COL22A1: variants seen among roughly 807,000 people sequenced by gnomAD.
COL22A1 encodes collagen alpha-1(XXII) chain.
Under a neutral mutation model 248.9 loss-of-function variants are expected in COL22A1, and 221 were observed. The observed-to-expected ratio is 0.89, with a 90% CI of 0.80 to 0.99. The LOEUF (loss-of-function observed/expected upper bound fraction) is 0.99, where lower values mean the gene tolerates loss of function less well. Among genes scored for constraint, COL22A1 ranks in the 50% least tolerant of loss-of-function variants. The probability of loss-of-function intolerance (pLI) is 0.00; values close to 1 mark genes in which losing one functional copy is unlikely to be tolerated. For synonymous variants in COL22A1, 891 were observed against 793.4 expected (o/e 1.12, Z -2.07); for missense variants, 2,240 against 2,179.0 (o/e 1.03, Z -0.56).
At chr8:138,809,982 G>A (rs761204301) in intron 9 of COL22A1, among the ~76,000 whole-genome samples, 15 of 152,170 alleles carry the variant, frequency 9.9e-5, no homozygotes, top group Non-Finnish European at 1.5e-4. Context: ...TGATTTTATG[G>A]AAGTAACGAT....
chr8:138,830,370 TAA>T (rs1237657710), intron 5 of COL22A1, among the ~76,000 whole-genome samples: 1 of 152,268 alleles, frequency 6.6e-6, no homozygotes, highest in Non-Finnish European at 1.5e-5. Flanking sequence ...ATGTAAATAT[TAA>T]AAGTGACAAC....
intron 30 of COL22A1, among the ~76,000 whole-genome samples, chr8:138,711,251 G>A (rs562045983): frequency 6.6e-6 from 1 of 152,332 alleles, no homozygotes; most frequent in South Asian, 2.1e-4. Flanking sequence ...GATGCTGTGG[G>A]CCTAAGTGCC....
At position 138,765,706 on chromosome 8, in the gene COL22A1, A is replaced by G. The variant is rs186020187; in HGVS notation, c.1804-3240T>C. ...ACTGTGCAGGTGTGGTCACGCCCAG[A>G]GAAAGAGAGAGAGCCAAAGCTGTCT... On this transcript the variant is annotated intron_variant, in intron 16 of 64. Transcript: ENST00000303045. 1.3e-3 allele frequency among the ~76,000 whole-genome samples: 194 copies of G among 152,346 alleles called. 2 individuals are homozygous for G. Among genetic ancestry groups the G allele is most frequent in the African/African-American group, 4.5e-3 (186 of 41,572 alleles).
chr8:138,623,439 G>C (rs1819987283), intron 52 of COL22A1, among the ~76,000 whole-genome samples: 1 of 151,826 alleles, frequency 6.6e-6, no homozygotes, highest in South Asian at 2.1e-4. Flanking sequence ...AGGCTACAGG[G>C]GGCAGTAAAC....
Position 138,781,833 on chromosome 8 carries a change from G to A in COL22A1, c.1597-853C>T, listed in dbSNP as rs193024026. On this transcript the variant is annotated intron_variant, in intron 12 of 64. Transcript: ENST00000303045. ...CAGTGTCTGTGTGGCACTGAGCAAGGCTGCGCCTCTCTCTGGGCTGTTTCC... is the reference window on the plus strand; with the variant it reads ...CAGTGTCTGTGTGGCACTGAGCAAGACTGCGCCTCTCTCTGGGCTGTTTCC... Among the ~76,000 whole-genome samples, 30 of 152,312 alleles carry A rather than the reference G, an allele frequency of 2.0e-4. 1 individual carries two copies. The highest frequency in any genetic ancestry group is 1.4e-3 in the Admixed American group (22 of 15,306).
intron 10 of COL22A1, among the ~76,000 whole-genome samples, chr8:138,804,538 C>T (rs886115598): frequency 2.6e-5 from 4 of 152,212 alleles, no homozygotes; most frequent in African/African-American, 9.7e-5. Flanking sequence ...GCGCTTTCCT[C>T]CCGTCACAGC....
intron 3 of COL22A1, among the ~76,000 whole-genome samples, chr8:138,857,223 A>T (rs1822102204): frequency 6.6e-6 from 1 of 151,830 alleles, no homozygotes; most frequent in African/African-American, 2.4e-5. Context: ...TGCCCCGGAG[A>T]CATTGGGCCC....
intron 57 of COL22A1, 78 bp from the exon 58 acceptor site, chr8:138,606,530 C>A: frequency 7.1e-7 from 1 of 1,411,512 alleles, no homozygotes; most frequent in Non-Finnish European, 9.9e-7. Flanking sequence ...TGTGACCACT[C>A]TGAAATCAAA....
chr8:138,623,108 C>A (rs1819940910), intron 52 of COL22A1, among the ~76,000 whole-genome samples: 1 of 151,776 alleles, frequency 6.6e-6, no homozygotes, highest in East Asian at 1.9e-4. Context: ...GCTACTGGGA[C>A]CACCAAGACA....
At chr8:138,754,726 G>A (rs905849296) in intron 21 of COL22A1, among the ~76,000 whole-genome samples, 10 of 152,350 alleles carry the variant, frequency 6.6e-5, no homozygotes, top group African/African-American at 1.2e-4. Context: ...AGGCTGAAAC[G>A]TCCCAGGCCA....
chr8:138,645,758 G>A (rs1029766218), intron 47 of COL22A1, among the ~76,000 whole-genome samples: 21 of 152,194 alleles, frequency 1.4e-4, no homozygotes, highest in Non-Finnish European at 2.6e-4. Context: ...CTCTCCTATT[G>A]ACAATTTTAT....
chr8:138,762,002 C>G (rs1371919514), intron 17 of COL22A1, among the ~76,000 whole-genome samples: 3 of 152,240 alleles, frequency 2.0e-5, no homozygotes, highest in Non-Finnish European at 4.4e-5. Flanking sequence ...TGAATGTCCT[C>G]AGCCTCATAG....
intron 39 of COL22A1, among the ~76,000 whole-genome samples, chr8:138,681,750 T>A (rs79761786): frequency 0.091 from 13,890 of 152,162 alleles, 853 homozygotes; most frequent in South Asian, 0.2. Flanking sequence ...TCTCCATATA[T>A]ACCCACTGTT....
intron 22 of COL22A1, among the ~76,000 whole-genome samples, chr8:138,740,782 G>A (rs901772466): frequency 2.0e-5 from 3 of 152,178 alleles, no homozygotes; most frequent in African/African-American, 7.2e-5. Context: ...GGTCTTTCAT[G>A]GGTCATCCAT....
In COL22A1 at chr8:138,850,465, C is replaced by CT. The variant is rs1821550211; in HGVS notation, c.659-6308dup. On this transcript the variant is annotated intron_variant, in intron 3 of 64. Transcript: ENST00000303045. ...CAGGGCCACCTCCCTCCTTCCCTTC[C>CT]TTGTCCCTAACTCAGAAAGATGCGG... 2.0e-5 allele frequency among the ~76,000 whole-genome samples: 3 copies of CT among 152,236 alleles called. No individual in the cohort carries two copies. The South Asian group carries it at 6.2e-4, about 32-fold the overall frequency.
chr8:138,603,639 C>T (rs540171962), intron 59 of COL22A1, among the ~76,000 whole-genome samples: 20 of 152,236 alleles, frequency 1.3e-4, no homozygotes, highest in African/African-American at 2.2e-4. Flanking sequence ...ATGGGAGCTA[C>T]GGGTATTTCC....
intron 3 of COL22A1, among the ~76,000 whole-genome samples, chr8:138,875,512 G>A (rs764353862): frequency 3.1e-4 from 47 of 152,232 alleles, no homozygotes; most frequent in Non-Finnish European, 5.9e-4. Flanking sequence ...AGGGGTTCTG[G>A]ATTCTGGAAT....
chr8:138,605,159 C>A (rs1440503559), intron 58 of COL22A1, among the ~76,000 whole-genome samples: 3 of 152,228 alleles, frequency 2.0e-5, no homozygotes, highest in Non-Finnish European at 2.9e-5. Flanking sequence ...GGCTCCTCCA[C>A]TGTTTGGCTC....
At chr8:138,700,692 G>A (rs1827882354) in intron 31 of COL22A1, among the ~76,000 whole-genome samples, 1 of 152,202 alleles carries the variant, frequency 6.6e-6, no homozygotes. Flanking sequence ...CCTAGGCTGT[G>A]TTTAAGGCTA....
Sources: allele counts gnomAD v4.1 joint callset (sites outside exome capture counted in the v4.1 genomes callset), GRCh38; gene constraint gnomAD v4.1.1; transcripts MANE v1.5; gene names NCBI Gene and HGNC (gene_info 2026-07-23, HGNC 2026-07-21).